Variants in SUGCT observed in about 807,000 individuals in gnomAD.
SUGCT encodes succinyl-CoA:glutarate CoA-transferase.
Under a neutral mutation model 55.0 loss-of-function variants are expected in SUGCT, and 41 were observed. The observed-to-expected ratio is 0.74, with a 90% confidence interval of 0.58 to 0.97. The LOEUF is 0.97. SUGCT is among the 50% of genes least tolerant of loss of function. The probability of loss-of-function intolerance (pLI) is 0.00; values close to 1 mark genes in which losing one functional copy is unlikely to be tolerated. For missense variants in SUGCT, 568 were observed against 547.8 expected (o/e 1.04, Z -0.37); for synonymous variants, 187 against 200.4 (o/e 0.93, Z 0.56).
At chr7:40,210,014 A>T (rs1472939050) in intron 6 of SUGCT, among the ~76,000 whole-genome samples, 2 of 152,036 alleles carry the variant, frequency 1.3e-5, no homozygotes, top group Non-Finnish European at 2.9e-5. Flanking sequence ...CCAGAATCTG[A>T]CATGTTCTCT....
intron 9 of SUGCT, among the ~76,000 whole-genome samples, chr7:40,369,719 A>T (rs1447811457): frequency 6.6e-6 from 1 of 152,202 alleles, no homozygotes; most frequent in East Asian, 1.9e-4. Flanking sequence ...TGGGTGGGAA[A>T]TGGCAGTAGA....
chr7:40,142,335 A>C (rs1788032143), intron 1 of SUGCT, among the ~76,000 whole-genome samples: 1 of 152,250 alleles, frequency 6.6e-6, no homozygotes, highest in South Asian at 2.1e-4. Flanking sequence ...TTTAGAACTC[A>C]TATCTAACAT....
At chr7:40,226,976 A>T (rs1177413123) in intron 6 of SUGCT, among the ~76,000 whole-genome samples, 4 of 150,856 alleles carry the variant, frequency 2.7e-5, no homozygotes, top group Non-Finnish European at 5.9e-5. Context: ...AAACTAAATA[A>T]TTTTTTTAAC....
intron 7 of SUGCT, among the ~76,000 whole-genome samples, chr7:40,247,066 C>A (rs546947263): frequency 9.3e-4 from 141 of 152,244 alleles, no homozygotes; most frequent in African/African-American, 3.3e-3. Context: ...ACTGAACTCT[C>A]TTCTGAATGC....
At chr7:40,281,148 G>C (rs6961146) in intron 8 of SUGCT, among the ~76,000 whole-genome samples, 96,683 of 151,994 alleles carry the variant, frequency 0.64, 31,081 homozygotes, top group Non-Finnish European at 0.7. Context: ...AAACATTTTT[G>C]TGTACCCCTA....
At chr7:40,510,000 A>G (rs956897348) in intron 12 of SUGCT, among the ~76,000 whole-genome samples, 9 of 152,268 alleles carry the variant, frequency 5.9e-5, no homozygotes, top group Middle Eastern at 3.4e-3. Context: ...AAATCCTGAC[A>G]TAGTTGTTAA....
chr7:40,944,827 T>C, the SUGCT span, among the ~76,000 whole-genome samples: 1 of 152,156 alleles, frequency 6.6e-6, no homozygotes, highest in African/African-American at 2.4e-5. Context: ...AGATGTGACT[T>C]TAATGGTTAC....
chr7:40,214,289 T>C (rs958741736), intron 6 of SUGCT, among the ~76,000 whole-genome samples: 2 of 152,150 alleles, frequency 1.3e-5, no homozygotes, highest in Non-Finnish European at 2.9e-5. Flanking sequence ...AAGGAGTCCT[T>C]ATTGTAGTTG....
intron 9 of SUGCT, among the ~76,000 whole-genome samples, chr7:40,330,849 G>A (rs1796273695): frequency 6.6e-6 from 1 of 152,004 alleles, no homozygotes; most frequent in South Asian, 2.1e-4. Context: ...TTACTTCTAA[G>A]CTTTAGGGTC....
rs570926317 is a variant in SUGCT at position 40,796,428 on chromosome 7, G to A, written c.1153+46931G>A. On this transcript the variant is annotated intron_variant, in intron 13 of 13. Transcript: ENST00000335693. ...AACTTGGTAGACTTCATACTAACAAGAAGCATATTAGAGAATTAACGATGA... is the reference window on the plus strand; with the variant it reads ...AACTTGGTAGACTTCATACTAACAAAAAGCATATTAGAGAATTAACGATGA... Among the ~76,000 whole-genome samples the A allele has an allele frequency of 1.6e-4, 24 of 152,306 alleles. No individual in the cohort carries two copies. The East Asian group carries it at 4.6e-3, about 29-fold the overall frequency.
intron 9 of SUGCT, among the ~76,000 whole-genome samples, chr7:40,319,826 T>G (rs1795630606): frequency 6.6e-6 from 1 of 152,172 alleles, no homozygotes; most frequent in South Asian, 2.1e-4. Flanking sequence ...ATTTATGTAT[T>G]TATTTATTAT....
At chr7:40,165,728 T>C (rs1354744897) in intron 1 of SUGCT, among the ~76,000 whole-genome samples, 3 of 125,004 alleles carry the variant, frequency 2.4e-5, no homozygotes, top group Non-Finnish European at 1.9e-5. Flanking sequence ...CTTAGAATAA[T>C]CATATGTTTA....
intron 12 of SUGCT, among the ~76,000 whole-genome samples, chr7:40,602,082 C>T (rs1324307577): frequency 6.6e-6 from 1 of 152,174 alleles, no homozygotes; most frequent in East Asian, 1.9e-4. Flanking sequence ...TAAGTAATCT[C>T]AGCCCAACTC....
At chr7:40,307,345 G>C (rs1350663207) in intron 8 of SUGCT, among the ~76,000 whole-genome samples, 1 of 152,152 alleles carries the variant, frequency 6.6e-6, no homozygotes, top group Non-Finnish European at 1.5e-5. Context: ...TAATTGGAAA[G>C]GATGCTCAAT....
the SUGCT span, among the ~76,000 whole-genome samples, chr7:40,979,189 T>A: frequency 1.3e-5 from 2 of 152,134 alleles, no homozygotes; most frequent in African/African-American, 4.8e-5. Flanking sequence ...CATTTCCCAC[T>A]TTCCAAGCTT....
intron 1 of SUGCT, among the ~76,000 whole-genome samples, chr7:40,179,784 G>A (rs1785094862): frequency 1.3e-5 from 2 of 152,156 alleles, no homozygotes; most frequent in African/African-American, 2.4e-5. Flanking sequence ...AGATGGAAGT[G>A]GTCCAAAAAG....
chr7:40,731,207 A>G (rs1362737149), intron 12 of SUGCT, among the ~76,000 whole-genome samples: 1 of 152,170 alleles, frequency 6.6e-6, no homozygotes. Flanking sequence ...AGGTGAAAGT[A>G]TTTCAATTCA....
chr7:40,726,850 G>C (rs11767100), intron 12 of SUGCT, among the ~76,000 whole-genome samples: 1 of 152,032 alleles, frequency 6.6e-6, no homozygotes, highest in African/African-American at 2.4e-5. Context: ...GTTAGTACCC[G>C]TAGCCAAAGG....
At chr7:40,269,470 G>A (rs1011190938) in intron 7 of SUGCT, among the ~76,000 whole-genome samples, 2 of 152,046 alleles carry the variant, frequency 1.3e-5, no homozygotes, top group African/African-American at 4.8e-5. Flanking sequence ...CCACAGGTGT[G>A]CACCACTATG....
Sources: gnomAD v4.1 joint callset for allele counts (sites outside exome capture counted in the v4.1 genomes callset) on GRCh38, gnomAD v4.1.1 for gene constraint, MANE v1.5 for transcripts, NCBI Gene and HGNC (gene_info 2026-07-23, HGNC 2026-07-21) for gene names.